ANKFN1: variants seen among roughly 807,000 people sequenced by gnomAD.
The protein encoded by ANKFN1 is ankyrin repeat and fibronectin type III domain containing 1, also known as ankyrin repeat and fibronectin type-III domain-containing protein 1.
In ANKFN1, 74 loss-of-function variants were observed where a neutral mutation model predicts 108.7. The ratio of observed to expected loss-of-function variants is 0.68; its 90% CI spans 0.56 to 0.83. ANKFN1 has a LOEUF of 0.83. Ranked by LOEUF, ANKFN1 falls within the 40% of genes least tolerant of loss-of-function variation. The pLI, the probability that ANKFN1 is intolerant of heterozygous loss-of-function variation, is 0.00. For missense variants in ANKFN1, 1,505 were observed against 1,382.3 expected (o/e 1.09, Z -1.41); for synonymous variants, 547 against 516.2 (o/e 1.06, Z -0.81).
At chr17:56,182,549 A>G (rs1037157874) in intron 1 of ANKFN1, among the ~76,000 whole-genome samples, 11 of 152,224 alleles carry the variant, frequency 7.2e-5, no homozygotes, top group Admixed American at 5.9e-4. Context: ...CTGCAGAAGA[A>G]TCATTTGAAA....
chr17:56,381,210 G>C (rs1161598818), intron 8 of ANKFN1, among the ~76,000 whole-genome samples: 1 of 152,208 alleles, frequency 6.6e-6, no homozygotes, highest in Non-Finnish European at 1.5e-5. Context: ...AACTCCAACA[G>C]ACCTGCAGCT....
At chr17:56,234,058 C>G (rs1478720666) in intron 3 of ANKFN1, among the ~76,000 whole-genome samples, 3 of 152,098 alleles carry the variant, frequency 2.0e-5, no homozygotes, top group Non-Finnish European at 4.4e-5. Context: ...CATTAACATT[C>G]TCATCACTTT....
intron 1 of ANKFN1, among the ~76,000 whole-genome samples, chr17:56,204,931 C>A (rs1366699989): frequency 6.6e-6 from 1 of 152,016 alleles, no homozygotes; most frequent in Non-Finnish European, 1.5e-5. Flanking sequence ...AAATAATTAG[C>A]CAGGCGTGGT....
At chr17:56,242,435 A>T (rs540501323) in intron 3 of ANKFN1, among the ~76,000 whole-genome samples, 16 of 152,204 alleles carry the variant, frequency 1.1e-4, no homozygotes, top group Non-Finnish European at 1.8e-4. Flanking sequence ...TATATTTATT[A>T]GTATAGGTTT....
intron 20 of ANKFN1, among the ~76,000 whole-genome samples, chr17:56,501,183 A>C (rs77105717): frequency 1.8e-3 from 267 of 152,314 alleles, no homozygotes; most frequent in African/African-American, 6.2e-3. Context: ...CAGTGAACAA[A>C]AGGGCGGATC....
chr17:56,136,766 T>C (rs755266185), intron 4 of ANKFN1, among the ~76,000 whole-genome samples: 2 of 152,198 alleles, frequency 1.3e-5, no homozygotes, highest in Non-Finnish European at 2.9e-5. Context: ...TATTTCTCTA[T>C]TTGCATGGTG....
At chr17:56,322,262 C>T (rs2045392898) in intron 3 of ANKFN1, among the ~76,000 whole-genome samples, 1 of 152,222 alleles carries the variant, frequency 6.6e-6, no homozygotes, top group East Asian at 1.9e-4. Context: ...CAACGTGTCT[C>T]TCTCTCTCAT....
intron 1 of ANKFN1, among the ~76,000 whole-genome samples, chr17:56,202,477 G>A (rs1056605846): frequency 6.6e-6 from 1 of 152,238 alleles, no homozygotes; most frequent in Non-Finnish European, 1.5e-5. Context: ...TCTTATCCTA[G>A]CATTGCTAGC....
chr17:56,499,077 C>G lies in ANKFN1; in HGVS notation c.2623C>G (p.His875Asp). Residue 875 changes from histidine to aspartate, a missense_variant, in exon 20 of 21, where the codon CAC becomes GAC. Coordinates refer to ENST00000682825, the MANE Select transcript of ANKFN1 (RefSeq NM_001370326.1). ...LPSPPPSPEM[H>D]RRKTVSDSQP... ...ATCCCCACCCCCATCCCCAGAGATG[C>G]ACAGAAGAAAGACAGTGAGTGGTAA... The G allele has an allele frequency of 6.5e-7, 1 of 1,535,472 alleles. No individual in the cohort carries two copies. Among genetic ancestry groups the G allele is most frequent in the Non-Finnish European group, 8.7e-7 (1 of 1,146,520 alleles).
chr17:56,469,691 G>C (rs1032418331), intron 15 of ANKFN1, among the ~76,000 whole-genome samples: 33 of 152,142 alleles, frequency 2.2e-4, no homozygotes, highest in African/African-American at 7.7e-4. Context: ...AATGAAGATA[G>C]GTGAGTTAGT....
intron 3 of ANKFN1, among the ~76,000 whole-genome samples, chr17:56,250,423 C>T (rs1351619580): frequency 3.3e-5 from 5 of 152,230 alleles, no homozygotes; most frequent in Non-Finnish European, 7.3e-5. Flanking sequence ...TGATGGCATA[C>T]TTGCCAAGAA....
intron 3 of ANKFN1, among the ~76,000 whole-genome samples, chr17:56,232,009 G>C (rs918015480): frequency 6.6e-6 from 1 of 151,984 alleles, no homozygotes; most frequent in African/African-American, 2.4e-5. Flanking sequence ...TCGCTAACCT[G>C]AGATAACCTC....
intron 3 of ANKFN1, among the ~76,000 whole-genome samples, chr17:56,292,975 C>T (rs2044404915): frequency 6.6e-6 from 1 of 152,198 alleles, no homozygotes; most frequent in Non-Finnish European, 1.5e-5. Context: ...CATATTCATT[C>T]ATTCATTTGT....
At chr17:56,441,659 A>T (rs1006145524) in intron 9 of ANKFN1, among the ~76,000 whole-genome samples, 1 of 152,216 alleles carries the variant, frequency 6.6e-6, no homozygotes, top group Non-Finnish European at 1.5e-5. Flanking sequence ...AAAACTCTCC[A>T]TAAAGAGTTT....
At chr17:56,378,762 G>A (rs912079694) in intron 8 of ANKFN1, among the ~76,000 whole-genome samples, 1 of 152,170 alleles carries the variant, frequency 6.6e-6, no homozygotes. Flanking sequence ...TTTTGTGTTA[G>A]GGTGAAAATA....
intron 8 of ANKFN1, among the ~76,000 whole-genome samples, chr17:56,395,064 C>T (rs574456519): frequency 6.6e-6 from 1 of 152,088 alleles, no homozygotes; most frequent in African/African-American, 2.4e-5. Context: ...GGAAGGTGTC[C>T]CTTTGTGTTG....
intron 4 of ANKFN1, among the ~76,000 whole-genome samples, chr17:56,117,805 A>G (rs1453116768): frequency 6.6e-6 from 1 of 152,152 alleles, no homozygotes; most frequent in Non-Finnish European, 1.5e-5. Flanking sequence ...TCATAAAGTT[A>G]TGCAACCATC....
At chr17:56,495,755 T>G (rs2051182508) in intron 19 of ANKFN1, among the ~76,000 whole-genome samples, 1 of 152,164 alleles carries the variant, frequency 6.6e-6, no homozygotes, top group Admixed American at 6.5e-5. Flanking sequence ...CTTCAAATGC[T>G]CCTAAGCTGT....
At chr17:56,329,698 G>A (rs73311742) in intron 4 of ANKFN1, among the ~76,000 whole-genome samples, 6,843 of 152,160 alleles carry the variant, frequency 0.045, 503 homozygotes, top group African/African-American at 0.16. Flanking sequence ...GATTCAATAC[G>A]TTGATACATG....
Sources: gnomAD v4.1 joint callset for allele counts (sites outside exome capture counted in the v4.1 genomes callset) on GRCh38, gnomAD v4.1.1 for gene constraint, MANE v1.5 for transcripts, NCBI Gene and HGNC (gene_info 2026-07-23, HGNC 2026-07-21) for gene names.